HECW1: variants seen among roughly 807,000 people sequenced by gnomAD.
HECW1 encodes HECT, C2 and WW domain containing E3 ubiquitin protein ligase 1.
HECW1 carries 61 observed loss-of-function variants against 182.3 expected under a neutral mutation model. That is an observed-to-expected ratio of 0.33 (90% CI 0.27 to 0.41). HECW1 has a LOEUF of 0.41. Among genes scored for constraint, HECW1 ranks in the 10% least tolerant of loss-of-function variants. The pLI is 1.00. For missense variants in HECW1, 1,739 were observed against 2,108.9 expected (o/e 0.82, Z 3.44); for synonymous variants, 859 against 832.6 (o/e 1.03, Z -0.55).
chr7:43,256,336 A>C (rs1273839671), intron 3 of HECW1, among the ~76,000 whole-genome samples: 2 of 152,202 alleles, frequency 1.3e-5, no homozygotes, highest in African/African-American at 4.8e-5. Context: ...TCGGCTGGGT[A>C]CGGTGGTTCA....
chr7:43,399,894 AC>A (rs1214276310), intron 7 of HECW1, among the ~76,000 whole-genome samples: 1 of 152,206 alleles, frequency 6.6e-6, no homozygotes, highest in Non-Finnish European at 1.5e-5. Flanking sequence ...TGTTGCATTC[AC>A]TATGTCTGCC....
At chr7:43,294,833 G>A (rs1294288269) in intron 3 of HECW1, among the ~76,000 whole-genome samples, 5 of 152,142 alleles carry the variant, frequency 3.3e-5, no homozygotes, top group Admixed American at 2.0e-4. Context: ...CACCTGTGAC[G>A]CAGCCTCAGG....
intron 13 of HECW1, among the ~76,000 whole-genome samples, chr7:43,461,212 C>T (rs150153827): frequency 1.1e-4 from 17 of 152,318 alleles, no homozygotes; most frequent in African/African-American, 2.6e-4. Flanking sequence ...AGAGGGTGGC[C>T]GGGGCTGGAG....
chr7:43,438,029 T>C lies in HECW1; in HGVS notation c.828T>C (p.Thr276=), dbSNP rs764495930. Residue 276 remains threonine, a synonymous_variant, in exon 9 of 30, where the codon ACT becomes ACC. Transcript: ENST00000395891. ...AATTCAGTTTTGTGTCCTTGCCCAC[T>C]GACGTGCTGGAAATTGAGGTGAAGG... ...AEQFSFVSLP[T]DVLEIEVKDK... The C allele has an allele frequency of 1.9e-6, 3 of 1,614,164 alleles. No homozygotes were observed. Among genetic ancestry groups the C allele is most frequent in the Non-Finnish European group, 2.5e-6 (3 of 1,180,006 alleles).
intron 5 of HECW1, among the ~76,000 whole-genome samples, chr7:43,340,231 T>C (rs1015561): frequency 9.0e-6 from 1 of 111,460 alleles, no homozygotes; most frequent in Non-Finnish European, 1.7e-5. Context: ...CACCCCTTTT[T>C]TTTTTCTAAG....
chr7:43,494,623 C>T (rs1361224844), intron 19 of HECW1, among the ~76,000 whole-genome samples: 1 of 151,972 alleles, frequency 6.6e-6, no homozygotes, highest in African/African-American at 2.4e-5. Context: ...TGAGCCTCAA[C>T]CTGACAAGTA....
chr7:43,254,301 C>T (rs547071347), intron 3 of HECW1, among the ~76,000 whole-genome samples: 1 of 152,090 alleles, frequency 6.6e-6, no homozygotes, highest in African/African-American at 2.4e-5. Flanking sequence ...AATAATGAAG[C>T]CCCACTTAAG....
At chr7:43,550,089 T>C (rs1321367398) in intron 26 of HECW1, among the ~76,000 whole-genome samples, 3 of 148,506 alleles carry the variant, frequency 2.0e-5, no homozygotes, top group African/African-American at 7.4e-5. Flanking sequence ...CTGGGCAACA[T>C]AGACCACATT....
At chr7:43,207,481 A>G (rs1436598264) in intron 2 of HECW1, among the ~76,000 whole-genome samples, 1 of 152,148 alleles carries the variant, frequency 6.6e-6, no homozygotes, top group African/African-American at 2.4e-5. Context: ...GAAATATTCA[A>G]TACCCTCCTT....
rs534382041 is a variant in HECW1, at chr7:43,226,042, G to A, written c.-31-17833G>A. Among the ~76,000 whole-genome samples the A allele has an allele frequency of 7.9e-5, 12 of 152,132 alleles. 1 individual carries two copies. The highest frequency in any genetic ancestry group is 2.7e-4 in the African/African-American group (11 of 41,496). On this transcript the variant is annotated intron_variant, in intron 2 of 29. Transcript: ENST00000395891. ...CCCGCTTTGGCCTCCCAAAGTACTG[G>A]GATTATAGGTGTCACCATGCCTGGC... is the stretch of plus-strand genomic sequence containing the variant.
At chr7:43,556,930 G>A (rs1490687709) in intron 29 of HECW1, among the ~76,000 whole-genome samples, 1 of 151,910 alleles carries the variant, frequency 6.6e-6, no homozygotes, top group African/African-American at 2.4e-5. Flanking sequence ...CCCCTAAGAG[G>A]GCTGCTGCAC....
chr7:43,565,558 T>TTTATTATTA lies in HECW1; in HGVS notation c.*3647_*3655dup, dbSNP rs571277771. ...GAACTTTACATAACAAATGTGGTGC[T>TTTATTATTA]TTATTATTATTATTATTATTATTTT... On this transcript the variant is annotated 3_prime_UTR_variant, in exon 30 of 30. Coordinates refer to ENST00000395891, the MANE Select transcript of HECW1 (RefSeq NM_015052.5). 1 of 167,590 alleles carries TTTATTATTA rather than the reference T, an allele frequency of 6.0e-6. No homozygotes were observed. Among genetic ancestry groups the TTTATTATTA allele is most frequent in the African/African-American group, 2.5e-5 (1 of 40,216 alleles). The allele number at this position is 167,590 out of a possible 1,614,324, so 10.4% of individuals were successfully genotyped here. A position where few individuals can be genotyped will look rare whatever the true frequency, so the allele number is the denominator to read the frequency against.
In HECW1 at chr7:43,488,320, GAAAGAGGAAGGAAGGAAGGAAGGA is replaced by G. The variant is rs1321613897; in HGVS notation, c.3235-3753_3235-3730del. ...GTGAGACTCCATCTCAAAAAAGAAA[GAAAGAGGAAGGAAGGAAGGAAGGA>G]AGGAAGGAAGGAAGGAAGGAAGGAA... is the stretch of plus-strand genomic sequence containing the variant. On this transcript the variant is annotated intron_variant, in intron 17 of 29. Coordinates refer to ENST00000395891, the MANE Select transcript of HECW1 (RefSeq NM_015052.5). 1.0e-3 allele frequency among the ~76,000 whole-genome samples: 119 copies of G among 113,580 alleles called. 1 individual carries two copies. The highest frequency in any genetic ancestry group is 3.8e-3 in the African/African-American group (108 of 28,130). The allele number at this position is 113,580 out of a possible 152,430, so 74.5% of individuals were successfully genotyped here. A position where few individuals can be genotyped will look rare whatever the true frequency, so the allele number is the denominator to read the frequency against.
chr7:43,147,751 G>A (rs1229836790), intron 2 of HECW1, among the ~76,000 whole-genome samples: 2 of 152,144 alleles, frequency 1.3e-5, no homozygotes, highest in Non-Finnish European at 2.9e-5. Context: ...TGTATCAGGA[G>A]AGTTTCAGCT....
chr7:43,390,971 G>A (rs1185317778), intron 6 of HECW1, among the ~76,000 whole-genome samples: 1 of 151,976 alleles, frequency 6.6e-6, no homozygotes, highest in Non-Finnish European at 1.5e-5. Flanking sequence ...AATTAAACAA[G>A]TTTTATTGGG....
chr7:43,516,409 A>C (rs2080151674), intron 24 of HECW1, among the ~76,000 whole-genome samples: 1 of 152,232 alleles, frequency 6.6e-6, no homozygotes, highest in Admixed American at 6.5e-5. Flanking sequence ...CAGAATATTT[A>C]AACTAAAATA....
At chr7:43,505,323 T>G (rs74404930) in intron 21 of HECW1, among the ~76,000 whole-genome samples, 4,979 of 152,216 alleles carry the variant, frequency 0.033, 134 homozygotes, top group East Asian at 0.14. Flanking sequence ...TAAATACATC[T>G]CCTCTCTGCC....
chr7:43,482,774 G>A (rs937264954), intron 17 of HECW1, among the ~76,000 whole-genome samples: 6 of 152,064 alleles, frequency 3.9e-5, no homozygotes, highest in South Asian at 2.1e-4. Context: ...ATGTGGTGGC[G>A]TGCACCTGTG....
intron 28 of HECW1, among the ~76,000 whole-genome samples, chr7:43,554,350 G>A (rs546150919): frequency 4.9e-4 from 74 of 152,334 alleles, no homozygotes; most frequent in Non-Finnish European, 9.4e-4. Flanking sequence ...ACATCTCTGA[G>A]AACATCACAG....
Sources: allele counts gnomAD v4.1 joint callset (sites outside exome capture counted in the v4.1 genomes callset), GRCh38; gene constraint gnomAD v4.1.1; transcripts MANE v1.5; gene names NCBI Gene and HGNC (gene_info 2026-07-23, HGNC 2026-07-21).